The following QRICH1 variants were observed in gnomAD, a reference collection of about 807,000 sequenced individuals.
The protein encoded by QRICH1 is transcriptional regulator QRICH1.
Under a neutral mutation model 87.1 loss-of-function variants are expected in QRICH1, and 16 were observed. The ratio of observed to expected loss-of-function variants is 0.18; its 90% confidence interval spans 0.12 to 0.28. QRICH1 has a LOEUF of 0.28. Ranked by LOEUF, QRICH1 falls within the 10% of genes least tolerant of loss-of-function variation. The pLI is 1.00. For missense variants in QRICH1, 647 were observed against 951.7 expected, an observed-to-expected ratio of 0.68 and a Z score of 4.21; for synonymous variants, 367 against 368.4, an observed-to-expected ratio of 1.00 and a Z score of 0.05.
chr3:49,053,031 G>A (rs2093380158), intron 3 of QRICH1, among the ~76,000 whole-genome samples: 1 of 152,166 alleles, frequency 6.6e-6, no homozygotes, highest in South Asian at 2.1e-4. Flanking sequence ...CATGGCAATG[G>A]AAAGAAATCC....
chr3:49,032,597 T>C, intron 8 of QRICH1, 25 bp downstream of exon 8: 1 of 1,545,340 alleles, frequency 6.5e-7, no homozygotes, highest in South Asian at 1.2e-5. Flanking sequence ...CACCTGTTTT[T>C]GCCATCCCTG....
intron 6 of QRICH1, 69 bp from the exon 7 acceptor site, chr3:49,033,297 G>A: frequency 4.1e-6 from 4 of 969,230 alleles, no homozygotes; most frequent in Non-Finnish European, 5.8e-6. Flanking sequence ...AATATGGGAT[G>A]TGTGAAGCAT....
chr3:49,071,527 G>T (rs1227206149), intron 2 of QRICH1, among the ~76,000 whole-genome samples: 2 of 152,146 alleles, frequency 1.3e-5, no homozygotes, highest in African/African-American at 4.8e-5. Flanking sequence ...GGAGGCTGAG[G>T]CAAGTGAATC....
At chr3:49,089,190 G>A (rs1232734276) in intron 1 of QRICH1, among the ~76,000 whole-genome samples, 1 of 151,874 alleles carries the variant, frequency 6.6e-6, no homozygotes, top group African/African-American at 2.4e-5. Context: ...TTCCCGAGTA[G>A]TTGGGATTAC....
chr3:49,062,908 G>A (rs921816524), intron 2 of QRICH1, among the ~76,000 whole-genome samples: 1 of 151,826 alleles, frequency 6.6e-6, no homozygotes, highest in Admixed American at 6.6e-5. Context: ...GCTGAGACAG[G>A]AGAATGGCGT....
Position 49,046,441 on chromosome 3 carries a change from A to C in QRICH1, c.1655T>G (p.Phe552Cys). The C allele has an allele frequency of 1.2e-6, 2 of 1,613,462 alleles. No individual in the cohort carries two copies. Among genetic ancestry groups the C allele is most frequent in the Non-Finnish European group, 1.7e-6 (2 of 1,179,834 alleles). ...GTTTCCTACCTTTTGAATACACAGG[A>C]AAATATAGTAGAGCACATCTGGGTC... is the stretch of plus-strand genomic sequence containing the variant. The part of the protein sequence containing the change: ...PYDPDVLYYI[F>C]LCIQKYLFEN... The change falls in exon 5 of 10, where the codon TTC becomes TGC. Residue 552 changes from phenylalanine to cysteine, a missense_variant. Coordinates refer to ENST00000395443, the MANE Select transcript of QRICH1 (RefSeq NM_198880.3).
At chr3:49,055,938 CA>C (rs1370184686) in intron 3 of QRICH1, among the ~76,000 whole-genome samples, 1 of 152,062 alleles carries the variant, frequency 6.6e-6, no homozygotes, top group African/African-American at 2.4e-5. Flanking sequence ...CTTGGCCTCC[CA>C]AAGTACTGGG....
chr3:49,060,725 C>CAA (rs749823091), intron 2 of QRICH1, among the ~76,000 whole-genome samples: 12 of 152,340 alleles, frequency 7.9e-5, no homozygotes, highest in Admixed American at 2.0e-4. Context: ...TGAGCATTAC[C>CAA]ACCTGAGCTC....
intron 2 of QRICH1, among the ~76,000 whole-genome samples, chr3:49,069,493 C>T (rs896342828): frequency 2.0e-5 from 3 of 150,612 alleles, no homozygotes; most frequent in African/African-American, 7.3e-5. Flanking sequence ...GCGAGGGGAC[C>T]ACAAAGAGCA....
At position 49,030,447 on chromosome 3, in the gene QRICH1, G is replaced by A. The variant is rs761714782; in HGVS notation, c.*5C>T. The A allele has an allele frequency of 1.9e-6, 3 of 1,611,990 alleles. No individual in the cohort carries two copies. The highest frequency in any genetic ancestry group is 3.3e-5 in the Admixed American group (2 of 59,960). On this transcript the variant is annotated 3_prime_UTR_variant, in exon 10 of 10. Coordinates refer to ENST00000395443, the MANE Select transcript of QRICH1 (RefSeq NM_198880.3). ...TGGTTTCTCTTGTGCCATGGCCAAG[G>A]CATCTCAGTGCATAGTGCTTGCATT...
At chr3:49,067,818 C>T (rs1575362035) in intron 2 of QRICH1, among the ~76,000 whole-genome samples, 1 of 151,640 alleles carries the variant, frequency 6.6e-6, no homozygotes, top group South Asian at 2.1e-4. Flanking sequence ...CCCTGTCTCT[C>T]CTAAAAATAC....
At chr3:49,072,112 C>T (rs2041844596) in intron 2 of QRICH1, among the ~76,000 whole-genome samples, 1 of 152,020 alleles carries the variant, frequency 6.6e-6, no homozygotes, top group African/African-American at 2.4e-5. Flanking sequence ...TGGCAGATCA[C>T]TTAAAGTCAG....
intron 2 of QRICH1, among the ~76,000 whole-genome samples, chr3:49,059,463 A>G (rs1344458200): frequency 6.7e-6 from 1 of 148,328 alleles, no homozygotes; most frequent in South Asian, 2.1e-4. Flanking sequence ...CGCTGTTACC[A>G]GGCTGGAGTG....
chr3:49,037,824 TA>T (rs1165819249), intron 6 of QRICH1, among the ~76,000 whole-genome samples: 1 of 133,370 alleles, frequency 7.5e-6, no homozygotes, highest in Non-Finnish European at 1.6e-5. Flanking sequence ...ACCAGACATA[TA>T]AAAATTAGCT....
intron 1 of QRICH1, among the ~76,000 whole-genome samples, chr3:49,093,064 C>T (rs1054618862): frequency 2.6e-5 from 4 of 152,108 alleles, no homozygotes; most frequent in African/African-American, 9.7e-5. Context: ...ATGAATTACG[C>T]TTATGGACGT....
chr3:49,036,536 A>T (rs1475296578), intron 6 of QRICH1, among the ~76,000 whole-genome samples: 1 of 152,238 alleles, frequency 6.6e-6, no homozygotes, highest in Non-Finnish European at 1.5e-5. Flanking sequence ...GTGCATCAGT[A>T]AAGATGACTG....
At chr3:49,091,467 G>A (rs1246269651) in intron 1 of QRICH1, among the ~76,000 whole-genome samples, 1 of 151,010 alleles carries the variant, frequency 6.6e-6, no homozygotes, top group Non-Finnish European at 1.5e-5. Context: ...CTTAAAGAAA[G>A]GCAGCCACAT....
At chr3:49,044,590 T>A in intron 5 of QRICH1, 86 bp from the exon 6 acceptor site, 1 of 971,098 alleles carries the variant, frequency 1.0e-6, no homozygotes, top group Non-Finnish European at 1.6e-6. Context: ...CTACCAGTAC[T>A]ACTATCCTTC....
intron 3 of QRICH1, among the ~76,000 whole-genome samples, chr3:49,052,389 G>T (rs1423765510): frequency 6.6e-6 from 1 of 152,168 alleles, no homozygotes; most frequent in Non-Finnish European, 1.5e-5. Context: ...TGAATATGTG[G>T]AAAAGGTTCC....
Sources: allele counts gnomAD v4.1 joint callset (sites outside exome capture counted in the v4.1 genomes callset), GRCh38; gene constraint gnomAD v4.1.1; transcripts MANE v1.5; gene names NCBI Gene and HGNC (gene_info 2026-07-23, HGNC 2026-07-21).